The following MAF variants were observed in gnomAD, a reference collection of about 807,000 sequenced individuals.
MAF encodes the protein transcription factor Maf.
MAF carries 10 observed loss-of-function variants against 22.0 expected under a neutral mutation model. The ratio of observed to expected loss-of-function variants is 0.45; its 90% CI spans 0.28 to 0.77. The LOEUF (loss-of-function observed/expected upper bound fraction) is 0.77, where lower values mean the gene tolerates loss of function less well. MAF is among the 30% of genes least tolerant of loss of function. The pLI is 0.12. For missense variants in MAF, 544 were observed against 548.4 expected (o/e 0.99, Z 0.08); for synonymous variants, 337 against 255.8 (o/e 1.32, Z -3.03).
At chr16:79,365,454 T>C in the MAF span, among the ~76,000 whole-genome samples, 1 of 152,170 alleles carries the variant, frequency 6.6e-6, no homozygotes, top group Admixed American at 6.5e-5. Flanking sequence ...GCCAGGGATA[T>C]AGATGGAATT....
chr16:79,402,326 AG>A, the MAF span, among the ~76,000 whole-genome samples: 6 of 152,214 alleles, frequency 3.9e-5, no homozygotes, highest in Non-Finnish European at 8.8e-5. Flanking sequence ...GGTGTGGGTG[AG>A]AAGGAGAGAG....
chr16:79,561,207 T>C, the MAF span, among the ~76,000 whole-genome samples: 2 of 152,184 alleles, frequency 1.3e-5, no homozygotes, highest in African/African-American at 4.8e-5. Context: ...TGTATGCTTT[T>C]CTCTTGTTCA....
chr16:79,294,747 C>A, the MAF span, among the ~76,000 whole-genome samples: 13 of 152,088 alleles, frequency 8.5e-5, no homozygotes, highest in African/African-American at 3.1e-4. Flanking sequence ...TTATCTAGTT[C>A]CAAAGTCTGC....
the MAF span, among the ~76,000 whole-genome samples, chr16:79,218,008 A>G: frequency 6.7e-6 from 1 of 148,788 alleles, no homozygotes; most frequent in African/African-American, 2.5e-5. Context: ...AAAAAAAAAA[A>G]AAAAAAAAAA....
chr16:79,403,074 G>A, the MAF span, among the ~76,000 whole-genome samples: 3 of 152,192 alleles, frequency 2.0e-5, no homozygotes, highest in African/African-American at 7.2e-5. Flanking sequence ...TGTGGCAGAT[G>A]ACTTCACCTG....
the MAF span, among the ~76,000 whole-genome samples, chr16:79,241,596 G>C: frequency 6.6e-6 from 1 of 152,060 alleles, no homozygotes; most frequent in African/African-American, 2.4e-5. Context: ...CGGGGAGAAT[G>C]GAACCAAGTT....
the MAF span, among the ~76,000 whole-genome samples, chr16:79,353,332 T>C: frequency 3.3e-5 from 5 of 152,192 alleles, no homozygotes; most frequent in African/African-American, 1.2e-4. Context: ...TTTCACTATG[T>C]TGCCCAGGCT....
the MAF span, among the ~76,000 whole-genome samples, chr16:79,539,004 C>T: frequency 3.3e-5 from 5 of 152,006 alleles, no homozygotes; most frequent in East Asian, 3.9e-4. Flanking sequence ...GGAACAAAAA[C>T]GGCCATAAAT....
the MAF span, chr16:79,212,481 TGAAAGGCA>T: frequency 4.5e-6 from 1 of 221,788 alleles, no homozygotes; most frequent in South Asian, 9.3e-5. Context: ...TTAGATACCT[TGAAAGGCA>T]GGAAGGGAAG....
chr16:79,534,652 G>A, the MAF span, among the ~76,000 whole-genome samples: 1 of 151,876 alleles, frequency 6.6e-6, no homozygotes, highest in African/African-American at 2.4e-5. Context: ...CGAGTTAATG[G>A]GTACAGCACA....
the MAF span, among the ~76,000 whole-genome samples, chr16:79,460,010 G>C: frequency 6.6e-6 from 1 of 152,114 alleles, no homozygotes; most frequent in Non-Finnish European, 1.5e-5. Flanking sequence ...CCTTTCACCA[G>C]GTTAACCTCC....
At chr16:79,457,452 T>G in the MAF span, among the ~76,000 whole-genome samples, 9 of 150,214 alleles carry the variant, frequency 6.0e-5, no homozygotes, top group Non-Finnish European at 1.2e-4. Context: ...ATGAAACGAC[T>G]AATAATAATA....
At chr16:79,552,203 A>G in the MAF span, among the ~76,000 whole-genome samples, 1 of 144,372 alleles carries the variant, frequency 6.9e-6, no homozygotes, top group Admixed American at 7.4e-5. Flanking sequence ...GAACCTTGGC[A>G]TCTGCTGCTC....
the MAF span, among the ~76,000 whole-genome samples, chr16:79,330,808 G>C: frequency 6.6e-6 from 1 of 152,220 alleles, no homozygotes; most frequent in African/African-American, 2.4e-5. Flanking sequence ...GTGGCTTGCA[G>C]AGATGAAGGG....
At chr16:79,403,627 G>T in the MAF span, among the ~76,000 whole-genome samples, 1 of 152,146 alleles carries the variant, frequency 6.6e-6, no homozygotes, top group African/African-American at 2.4e-5. Flanking sequence ...CACGAGGCTG[G>T]GTTGAGTTCC....
chr16:79,531,552 T>C, the MAF span, among the ~76,000 whole-genome samples: 1 of 152,116 alleles, frequency 6.6e-6, no homozygotes, highest in Non-Finnish European at 1.5e-5. Flanking sequence ...GATGGTCCCA[T>C]CTGGGGTTGA....
chr16:79,410,771 G>A, the MAF span, among the ~76,000 whole-genome samples: 1 of 152,198 alleles, frequency 6.6e-6, no homozygotes, highest in African/African-American at 2.4e-5. Flanking sequence ...GAAAGAGCCT[G>A]GACAAAAGCT....
At chr16:79,572,182 C>T in the MAF span, among the ~76,000 whole-genome samples, 3 of 152,154 alleles carry the variant, frequency 2.0e-5, no homozygotes, top group African/African-American at 7.2e-5. Flanking sequence ...ATTTCCACAA[C>T]CAACTTCAAA....
the MAF span, among the ~76,000 whole-genome samples, chr16:79,296,342 G>C: frequency 6.6e-6 from 1 of 152,092 alleles, no homozygotes; most frequent in Admixed American, 6.6e-5. Flanking sequence ...ACACAGGGAG[G>C]GGAACAACAC....
Sources: allele counts gnomAD v4.1 joint callset (sites outside exome capture counted in the v4.1 genomes callset), GRCh38; gene constraint gnomAD v4.1.1; transcripts MANE v1.5; gene names NCBI Gene and HGNC (gene_info 2026-07-23, HGNC 2026-07-21).